Variants in METTL23 observed in about 807,000 individuals in gnomAD.
METTL23 encodes the protein histone-arginine methyltransferase METTL23.
A neutral mutation model predicts 21.2 loss-of-function variants in METTL23; 24 were observed. That is an observed-to-expected ratio of 1.13 (90% CI 0.82 to 1.59). The LOEUF is 1.59. Ranked by LOEUF, METTL23 falls within the 40% of genes most tolerant of loss-of-function variation. The pLI is 0.00. For synonymous variants in METTL23, 97 were observed against 75.2 expected (o/e 1.29, Z -1.50); for missense variants, 276 against 221.4 (o/e 1.25, Z -1.57).
At chr17:76,726,593 G>A, upstream of METTL23, 1 of 1,360,946 alleles carries the variant, frequency 7.3e-7, no homozygotes, top group African/African-American at 1.5e-5. Flanking sequence ...CCTTCGCTCA[G>A]TCCCGGCGCC....
upstream of METTL23, chr17:76,726,519 C>T (rs1032615040): frequency 1.3e-6 from 2 of 1,563,672 alleles, no homozygotes; most frequent in Middle Eastern, 1.7e-4. Flanking sequence ...TCGGCGCAGC[C>T]CGCTTCCTGA....
In METTL23 at chr17:76,733,173, CAAGAT is replaced by C. The variant is rs587777645; in HGVS notation, c.282_286del (p.Gln94HisfsTer6). On this transcript the variant is annotated frameshift_variant, in exon 3 of 5. Transcript: ENST00000341249. LOFTEE classifies it high-confidence loss of function. Reference sequence around the variant, plus strand: ...TTGGGATCTTCTGGCTCTACCACCACAAGATATTATCCTTGCATCTGATGTGTTCT... The same window carrying C: ...TTGGGATCTTCTGGCTCTACCACCACATTATCCTTGCATCTGATGTGTTCT... 1.2e-6 allele frequency: 2 copies of C among 1,613,896 alleles called. No homozygotes were observed. The highest frequency in any genetic ancestry group is 1.1e-5 in the South Asian group (1 of 91,044).
rs2077342434 is a variant in METTL23 at position 76,733,612 on chromosome 17, AT to A, written c.500del (p.Ile167LysfsTer38). On this transcript the variant is annotated frameshift_variant, in exon 5 of 5. Transcript: ENST00000341249. LOFTEE classifies it high-confidence loss of function. ...GTCTTTTGATGCAGACAAAGAAGAT[AT>A]AGCAGAATCTACCCTTCCAGGAAGA... ...LESFDADKED[I>X]AESTLPGRHT... The A allele has an allele frequency of 1.2e-6, 2 of 1,613,848 alleles. No individual in the cohort carries two copies. Among genetic ancestry groups the A allele is most frequent in the African/African-American group, 2.7e-5 (2 of 74,928 alleles).
rs759247969 is a variant in METTL23 at position 76,733,110 on chromosome 17, C to T, written c.217C>T (p.His73Tyr). The T allele has an allele frequency of 6.2e-7, 1 of 1,613,420 alleles. No homozygotes were observed. Among genetic ancestry groups the T allele is most frequent in the Non-Finnish European group, 8.5e-7 (1 of 1,179,626 alleles). Residue 73 changes from histidine to tyrosine, a missense_variant, in exon 3 of 5, where the codon CAT (histidine) becomes TAT (tyrosine). His to Tyr is a moderately conservative substitution (Grantham distance 83). Transcript: ENST00000341249. Reference sequence around the variant, plus strand: ...AAGCTGCCAAATGAATAACCTGCCACATCTGCAGGTGGTAGGACTAACATG... The same window carrying T: ...AAGCTGCCAAATGAATAACCTGCCATATCTGCAGGTGGTAGGACTAACATG... Reference protein sequence around the residue: ...RQSCQMNNLPHLQVVGLTWGH... With the variant: ...RQSCQMNNLPYLQVVGLTWGH...
chr17:76,728,954 C>T (rs928435074), intron 1 of METTL23, among the ~76,000 whole-genome samples: 5 of 151,256 alleles, frequency 3.3e-5, no homozygotes, highest in East Asian at 2.0e-4. Flanking sequence ...CCACCATGTC[C>T]GGCTAATTTT....
intron 1 of METTL23, among the ~76,000 whole-genome samples, chr17:76,728,301 T>C (rs1004333150): frequency 1.1e-4 from 17 of 151,634 alleles, no homozygotes; most frequent in African/African-American, 4.1e-4. Flanking sequence ...AGCTTCACTT[T>C]TTTTTGCTAA....
In METTL23 at chr17:76,733,316, A is replaced by G. The variant is rs757814521; in HGVS notation, c.346A>G (p.Ile116Val). The G allele has an allele frequency of 5.6e-6, 9 of 1,613,978 alleles. No individual in the cohort carries two copies. Among genetic ancestry groups the G allele is most frequent in the Middle Eastern group, 1.6e-4 (1 of 6,062 alleles). ...PEDFEDILAT[I>V]YFLMHKNPKV... Reference sequence around the variant, plus strand: ...AGATTTTGAAGACATTTTGGCTACAATATATTTTTTGATGCACAAGAATCC... The same window carrying G: ...AGATTTTGAAGACATTTTGGCTACAGTATATTTTTTGATGCACAAGAATCC... Residue 116 changes from isoleucine to valine, a missense_variant, in exon 4 of 5, where the codon ATA becomes GTA. Ile to Val is a conservative substitution (Grantham distance 29). Transcript: ENST00000341249.
chr17:76,729,714 T>C lies in METTL23; in HGVS notation c.4T>C (p.Tyr2His), dbSNP rs202205410. 1.9e-5 allele frequency: 30 copies of C among 1,594,596 alleles called. No individual in the cohort carries two copies. Among genetic ancestry groups the C allele is most frequent in the Middle Eastern group, 1.6e-4 (1 of 6,064 alleles). Residue 2 changes from tyrosine (Y) to histidine (H), a missense_variant, in exon 2 of 5, where the codon TAT (tyrosine) becomes CAT (histidine). Tyr to His is a moderately conservative substitution (Grantham distance 83, BLOSUM62 2). Transcript: ENST00000341249. ...GGTCCTGCATCTCCAGTATGGAATG[T>C]ATGTTTGGCCCTGTGCTGTGGTCCT... M[Y>H]VWPCAVVLAQ...
chr17:76,729,943 G>A, intron 2 of METTL23, 149 bp downstream of exon 2: 1 of 641,540 alleles, frequency 1.6e-6, no homozygotes, highest in South Asian at 2.0e-5. Flanking sequence ...TAAGAATGTT[G>A]TTTTGTTTTT....
At chr17:76,728,949 A>G (rs532428367) in intron 1 of METTL23, among the ~76,000 whole-genome samples, 4 of 150,638 alleles carry the variant, frequency 2.7e-5, no homozygotes, top group Non-Finnish European at 5.9e-5. Flanking sequence ...GCCCACCACC[A>G]TGTCCGGCTA....
Position 76,733,641 on chromosome 17 carries a change from T to G in METTL23, c.528T>G (p.His176Gln). Residue 176 changes from histidine to glutamine, a missense_variant, in exon 5 of 5, where the codon CAT (histidine) becomes CAG (glutamine). By Grantham distance (24) the His-to-Gln change is conservative. Transcript: ENST00000341249. ...CAGAATCTACCCTTCCAGGAAGACA[T>G]ACAGTTGAAATGCTGGTCATTTCCT... ...DIAESTLPGR[H>Q]TVEMLVISFA... 1 of 1,613,822 alleles carries G rather than the reference T, an allele frequency of 6.2e-7. No homozygotes were observed. Among genetic ancestry groups the G allele is most frequent in the Non-Finnish European group, 8.5e-7 (1 of 1,179,824 alleles).
chr17:76,727,355 T>G, intron 1 of METTL23, 177 bp downstream of exon 1: 1 of 324,704 alleles, frequency 3.1e-6, no homozygotes, highest in South Asian at 2.4e-5. Flanking sequence ...TAAATGTCTC[T>G]CAGTAAGAAT....
chr17:76,728,363 G>A (rs184882491), intron 1 of METTL23, among the ~76,000 whole-genome samples: 1 of 144,388 alleles, frequency 6.9e-6, no homozygotes, highest in Admixed American at 6.7e-5. Context: ...AGCCTTTCAA[G>A]TAACTGAGAC....
chr17:76,727,217 A>G (rs1377169278), intron 1 of METTL23, 39 bp downstream of exon 1: 2 of 366,676 alleles, frequency 5.5e-6, no homozygotes, highest in Non-Finnish European at 1.1e-5. Context: ...GCCTGAGGTC[A>G]GGAGCGGATG....
chr17:76,732,824 G>A (rs1220438499), intron 2 of METTL23, 154 bp from the exon 3 acceptor site: 2 of 650,784 alleles, frequency 3.1e-6, no homozygotes, highest in South Asian at 1.9e-5. Context: ...CATGTTTATA[G>A]TAATGTTCAG....
At chr17:76,731,701 C>G (rs1414790978) in intron 2 of METTL23, among the ~76,000 whole-genome samples, 1 of 152,178 alleles carries the variant, frequency 6.6e-6, no homozygotes, top group Non-Finnish European at 1.5e-5. Flanking sequence ...GACTTTCACA[C>G]CATACTTAAG....
chr17:76,726,513 C>T (rs757043929), upstream of METTL23: 47 of 1,569,956 alleles, frequency 3.0e-5, no homozygotes, highest in Non-Finnish European at 3.8e-5. Context: ...ACGACCTCGG[C>T]GCAGCCCGCT....
rs1568016098 is a variant in METTL23 at position 76,733,339 on chromosome 17, T to TC, written c.372dup (p.Lys125GlnfsTer11). The TC allele has an allele frequency of 6.2e-7, 1 of 1,613,970 alleles. No homozygotes were observed. The highest frequency in any genetic ancestry group is 1.7e-5 in the Admixed American group (1 of 60,012). ...CAATATATTTTTTGATGCACAAGAATCCCAAGGTCCAATTGTGGTCTACTT... is the reference window on the plus strand; with the variant it reads ...CAATATATTTTTTGATGCACAAGAATCCCCAAGGTCCAATTGTGGTCTACTT... On this transcript the variant is annotated frameshift_variant, in exon 4 of 5. Coordinates refer to ENST00000341249, the MANE Select transcript of METTL23 (RefSeq NM_001080510.5). LOFTEE classifies it high-confidence loss of function.
upstream of METTL23, chr17:76,726,348 G>A: frequency 6.3e-7 from 1 of 1,576,924 alleles, no homozygotes; most frequent in Non-Finnish European, 8.6e-7. Context: ...CCCGCTCACC[G>A]CCACGGCCGC....
Sources: allele counts gnomAD v4.1 joint callset (sites outside exome capture counted in the v4.1 genomes callset), GRCh38; gene constraint gnomAD v4.1.1; transcripts MANE v1.5; gene names NCBI Gene and HGNC (gene_info 2026-07-23, HGNC 2026-07-21).